The following TSPAN8 variants were observed in gnomAD, a reference collection of about 807,000 sequenced individuals.
TSPAN8 encodes tetraspanin-8.
A neutral mutation model predicts 32.8 loss-of-function variants in TSPAN8; 21 were observed. The ratio of observed to expected loss-of-function variants is 0.64; its 90% CI spans 0.45 to 0.92. The LOEUF (loss-of-function observed/expected upper bound fraction) is 0.92. TSPAN8 is among the 40% of genes least tolerant of loss of function. The pLI, the probability that TSPAN8 is intolerant of heterozygous loss-of-function variation, is 0.00. For synonymous variants in TSPAN8, 95 were observed against 94.6 expected (o/e 1.00, Z -0.03); for missense variants, 269 against 281.9 (o/e 0.95, Z 0.33).
intron 6 of TSPAN8, among the ~76,000 whole-genome samples, chr12:71,137,153 G>A (rs1871725455): frequency 6.6e-6 from 1 of 152,088 alleles, no homozygotes; most frequent in Non-Finnish European, 1.5e-5. Flanking sequence ...GGTGGTGTGT[G>A]CTTGTGGTCC....
At chr12:71,130,665 G>C (rs974029625) in intron 7 of TSPAN8, among the ~76,000 whole-genome samples, 1 of 152,052 alleles carries the variant, frequency 6.6e-6, no homozygotes, top group East Asian at 1.9e-4. Context: ...TGAATGTATT[G>C]AGTTTCTTCA....
intron 6 of TSPAN8, among the ~76,000 whole-genome samples, chr12:71,133,574 A>C (rs987743154): frequency 6.6e-6 from 1 of 152,194 alleles, no homozygotes; most frequent in African/African-American, 2.4e-5. Context: ...AAAATGAGAG[A>C]TATTGCAAAG....
chr12:71,145,812 A>G (rs921451749), intron 2 of TSPAN8, among the ~76,000 whole-genome samples: 4 of 151,238 alleles, frequency 2.6e-5, no homozygotes, highest in African/African-American at 9.9e-5. Context: ...CAGATTCATA[A>G]TGATTGGCTT....
chr12:71,154,311 AAATAATAATAAT>A lies in TSPAN8; in HGVS notation c.60+3296_60+3307del, dbSNP rs58976021. Reference sequence around the variant, plus strand: ...GGCAACAGAGCGAGACTCTGTCTCAAAATAATAATAATAATAATAATAATAATAATAATAATA... The same window carrying A: ...GGCAACAGAGCGAGACTCTGTCTCAAAATAATAATAATAATAATAATAATA... On this transcript the variant is annotated intron_variant, in intron 2 of 8. Coordinates refer to ENST00000247829, the MANE Select transcript of TSPAN8 (RefSeq NM_004616.3). 1.5e-3 allele frequency among the ~76,000 whole-genome samples: 206 copies of A among 137,224 alleles called. 1 individual carries two copies. Among genetic ancestry groups the A allele is most frequent in the South Asian group, 0.01 (42 of 4,062 alleles). 90.0% of individuals were successfully genotyped at this position (137,224 alleles called of 152,430 possible). A position where few individuals can be genotyped will look rare whatever the true frequency, so the allele number is the denominator to read the frequency against.
chr12:71,128,942 A>G (rs536572015), intron 8 of TSPAN8, among the ~76,000 whole-genome samples: 3 of 152,284 alleles, frequency 2.0e-5, no homozygotes, highest in African/African-American at 7.2e-5. Flanking sequence ...GAGAAATAAG[A>G]AATTGTAAAG....
chr12:71,138,591 C>A (rs1172339319), intron 4 of TSPAN8, among the ~76,000 whole-genome samples: 1 of 152,214 alleles, frequency 6.6e-6, no homozygotes, highest in Non-Finnish European at 1.5e-5. Flanking sequence ...TCAGAATTGG[C>A]TTTGAAACAG....
At chr12:71,126,561 G>C (rs4505155) in intron 8 of TSPAN8, among the ~76,000 whole-genome samples, 48,857 of 151,846 alleles carry the variant, frequency 0.32, 8,718 homozygotes, top group Non-Finnish European at 0.41. Flanking sequence ...GAACATTTAT[G>C]ATTGTTCAAA....
At chr12:71,151,100 A>G (rs899104236) in intron 2 of TSPAN8, among the ~76,000 whole-genome samples, 8 of 145,662 alleles carry the variant, frequency 5.5e-5, no homozygotes, top group Non-Finnish European at 8.9e-5. Flanking sequence ...GTCTCACTCT[A>G]TCACCCAGGC....
chr12:71,156,251 AAAAAAAAAAAAAAAAAACAAAC>A (rs1872427879), intron 2 of TSPAN8, among the ~76,000 whole-genome samples: 1 of 77,908 alleles, frequency 1.3e-5, no homozygotes, highest in African/African-American at 7.4e-5. Context: ...AAAGTTCTCC[AAAAAAAAAAAAAAAAAACAAAC>A]AAAAAAAAAA....
At position 71,154,354 on chromosome 12, in the gene TSPAN8, A is replaced by AATAATC. The variant is rs201799092; in HGVS notation, c.60+3264_60+3265insGATTAT. Among the ~76,000 whole-genome samples the AATAATC allele has an allele frequency of 4.2e-3, 616 of 145,286 alleles. 5 individuals carry two copies. Among genetic ancestry groups the AATAATC allele is most frequent in the African/African-American group, 0.015 (578 of 38,950 alleles). ...TAATAATAATAATAATAATAATAATAATCAGAGCTCGCCAGGAAAGCAATG... is the reference window on the plus strand; with the variant it reads ...TAATAATAATAATAATAATAATAATAATAATCATCAGAGCTCGCCAGGAAAGCAATG... On this transcript the variant is annotated intron_variant, in intron 2 of 8. Coordinates refer to ENST00000247829, the MANE Select transcript of TSPAN8 (RefSeq NM_004616.3).
chr12:71,140,653 T>C (rs1359195310), intron 3 of TSPAN8, among the ~76,000 whole-genome samples: 1 of 152,184 alleles, frequency 6.6e-6, no homozygotes, highest in Non-Finnish European at 1.5e-5. Flanking sequence ...TCAGGCATAA[T>C]TCAGTTCTCC....
In TSPAN8 at chr12:71,139,782, C is replaced by T. The variant is rs1304774981; in HGVS notation, c.190G>A (p.Ala64Thr). Residue 64 changes from alanine (A) to threonine (T), a missense_variant, in exon 4 of 9, where the codon GCC becomes ACC. By Grantham distance (58) the Ala-to-Thr change is moderately conservative. Transcript: ENST00000247829. ...AGGAAGCCCAGAATCATGATGATGG[C>T]ACCTACAGCAATCAATATGTCCACA... is the stretch of plus-strand genomic sequence containing the variant. ...VAVDILIAVG[A>T]IIMILGFLGC... The T allele has an allele frequency of 4.3e-6, 7 of 1,613,946 alleles. No homozygotes were observed. Among genetic ancestry groups the T allele is most frequent in the Admixed American group, 1.7e-5 (1 of 59,988 alleles).
chr12:71,138,344 AG>A, intron 4 of TSPAN8, 114 bp from the exon 5 acceptor site: 1 of 1,006,196 alleles, frequency 9.9e-7, no homozygotes, highest in Non-Finnish European at 1.5e-6. Context: ...TGAGAGTGTC[AG>A]TCACACTCTT....
At chr12:71,153,611 G>A in intron 2 of TSPAN8, among the ~76,000 whole-genome samples, 1 of 152,170 alleles carries the variant, frequency 6.6e-6, no homozygotes, top group East Asian at 1.9e-4. Context: ...CATCAGTGGG[G>A]TCATTAAAAT....
At chr12:71,129,464 T>C in intron 7 of TSPAN8, 50 bp from the exon 8 acceptor site, 1 of 1,477,356 alleles carries the variant, frequency 6.8e-7, no homozygotes, top group Non-Finnish European at 9.0e-7. Context: ...AAATTCGACC[T>C]TATATTAATC....
intron 2 of TSPAN8, among the ~76,000 whole-genome samples, chr12:71,152,819 C>T (rs570679341): frequency 6.6e-6 from 1 of 152,238 alleles, no homozygotes; most frequent in East Asian, 1.9e-4. Flanking sequence ...TTTAGTGTAC[C>T]ACCATCTCAG....
intron 2 of TSPAN8, among the ~76,000 whole-genome samples, chr12:71,152,663 T>G (rs1312213282): frequency 6.6e-6 from 1 of 152,204 alleles, no homozygotes; most frequent in Non-Finnish European, 1.5e-5. Context: ...TCTAATGCCT[T>G]TTGGTGCTGT....
At chr12:71,137,622 A>G (rs972965213) in intron 6 of TSPAN8, among the ~76,000 whole-genome samples, 3 of 152,152 alleles carry the variant, frequency 2.0e-5, no homozygotes, top group Admixed American at 1.3e-4. Flanking sequence ...AGGGGGAGAG[A>G]GAGAGAAAGA....
intron 4 of TSPAN8, chr12:71,139,021 T>C: frequency 2.3e-6 from 1 of 431,968 alleles, no homozygotes; most frequent in Middle Eastern, 3.4e-4. Flanking sequence ...TAAAAGTGAA[T>C]GCCTGTGAAT....
Sources: allele counts gnomAD v4.1 joint callset (sites outside exome capture counted in the v4.1 genomes callset), GRCh38; gene constraint gnomAD v4.1.1; transcripts MANE v1.5; gene names NCBI Gene and HGNC (gene_info 2026-07-23, HGNC 2026-07-21).